The following CTNNA2 variants were observed in gnomAD, a reference collection of about 807,000 sequenced individuals.
CTNNA2 encodes catenin alpha-2.
In CTNNA2, 42 loss-of-function variants were observed where a neutral mutation model predicts 101.0. The ratio of observed to expected loss-of-function variants is 0.42; its 90% confidence interval spans 0.32 to 0.54. The LOEUF is 0.54. Among genes scored for constraint, CTNNA2 ranks in the 20% least tolerant of loss-of-function variants. CTNNA2 has a pLI of 0.14. For missense variants in CTNNA2, 871 were observed against 1,223.1 expected, an observed-to-expected ratio of 0.71 and a Z score of 4.29; for synonymous variants, 450 against 456.4, an observed-to-expected ratio of 0.99 and a Z score of 0.18.
At chr2:79,979,394 A>G (rs995505965) in intron 7 of CTNNA2, among the ~76,000 whole-genome samples, 2 of 152,024 alleles carry the variant, frequency 1.3e-5, no homozygotes, top group African/African-American at 4.8e-5. Flanking sequence ...AAAAAAGGAA[A>G]ACCCTGATAA....
intron 7 of CTNNA2, among the ~76,000 whole-genome samples, chr2:79,916,217 G>A (rs144694539): frequency 6.6e-6 from 1 of 152,232 alleles, no homozygotes; most frequent in East Asian, 1.9e-4. Context: ...GTGGGCAATC[G>A]AGATCGAATG....
At chr2:80,066,969 A>C (rs1327572496) in intron 7 of CTNNA2, among the ~76,000 whole-genome samples, 1 of 152,228 alleles carries the variant, frequency 6.6e-6, no homozygotes, top group African/African-American at 2.4e-5. Flanking sequence ...CAGTATGTTA[A>C]GTGAAATAAG....
intron 3 of CTNNA2, among the ~76,000 whole-genome samples, chr2:79,342,657 A>T (rs1463794644): frequency 6.6e-6 from 1 of 152,236 alleles, no homozygotes; most frequent in African/African-American, 2.4e-5. Context: ...ACTCATAATT[A>T]AACATGCTGC....
At chr2:79,557,701 GCTGATGTGA>G (rs1674531384) in intron 1 of CTNNA2, among the ~76,000 whole-genome samples, 1 of 151,884 alleles carries the variant, frequency 6.6e-6, no homozygotes, top group South Asian at 2.1e-4. Context: ...ATCCATATGA[GCTGATGTGA>G]CTCTAAAATC....
At chr2:80,020,428 G>C (rs1366410792) in intron 7 of CTNNA2, among the ~76,000 whole-genome samples, 2 of 152,150 alleles carry the variant, frequency 1.3e-5, no homozygotes, top group African/African-American at 4.8e-5. Flanking sequence ...CATTGGCATG[G>C]AGTGTTGAAG....
chr2:79,768,986 C>G (rs1052601658), intron 3 of CTNNA2, among the ~76,000 whole-genome samples: 1 of 152,142 alleles, frequency 6.6e-6, no homozygotes, highest in Non-Finnish European at 1.5e-5. Context: ...TCCTGAGTAG[C>G]TGGGACTATA....
chr2:79,410,643 A>G (rs901384388), intron 4 of CTNNA2, among the ~76,000 whole-genome samples: 8 of 151,800 alleles, frequency 5.3e-5, no homozygotes, highest in African/African-American at 1.7e-4. Context: ...CATCCCAGGG[A>G]TGAAGCCCAC....
Position 79,881,384 on chromosome 2 carries a change from G to T in CTNNA2, c.852+7042G>T, listed in dbSNP as rs181116430. 4.7e-3 allele frequency among the ~76,000 whole-genome samples: 718 copies of T among 152,244 alleles called. 2 individuals carry two copies. Among genetic ancestry groups the T allele is most frequent in the Middle Eastern group, 6.8e-3 (2 of 294 alleles). Reference sequence around the variant, plus strand: ...ATCTTTGTTAATTTTCTGTCTTGTTGATCTCTCTAATATTGACAGTGGGGT... The same window carrying T: ...ATCTTTGTTAATTTTCTGTCTTGTTTATCTCTCTAATATTGACAGTGGGGT... On this transcript the variant is annotated intron_variant, in intron 6 of 18. Coordinates refer to ENST00000402739, the MANE Select transcript of CTNNA2 (RefSeq NM_001282597.3).
At chr2:79,617,697 A>G (rs996077995) in intron 1 of CTNNA2, among the ~76,000 whole-genome samples, 38 of 152,314 alleles carry the variant, frequency 2.5e-4, no homozygotes, top group Admixed American at 1.1e-3. Context: ...TTTACAAATA[A>G]GAGAACCTGA....
chr2:80,233,815 CT>C (rs1709393045), intron 7 of CTNNA2, among the ~76,000 whole-genome samples: 2 of 152,156 alleles, frequency 1.3e-5, no homozygotes, highest in African/African-American at 4.8e-5. Flanking sequence ...CCCACCTAGA[CT>C]TTGGGTTAAT....
chr2:80,164,874 C>T (rs543571603), intron 7 of CTNNA2, among the ~76,000 whole-genome samples: 83 of 150,500 alleles, frequency 5.5e-4, no homozygotes, highest in African/African-American at 2.0e-3. Flanking sequence ...GTGCCACTTC[C>T]TTCTGGTCTC....
intron 2 of CTNNA2, among the ~76,000 whole-genome samples, chr2:79,255,359 C>A (rs1193022920): frequency 6.6e-6 from 1 of 152,066 alleles, no homozygotes; most frequent in Non-Finnish European, 1.5e-5. Flanking sequence ...GTTCAGATTC[C>A]AATTCAGAGC....
chr2:80,309,787 C>T (rs894948041), intron 7 of CTNNA2, among the ~76,000 whole-genome samples: 2 of 151,306 alleles, frequency 1.3e-5, no homozygotes, highest in Non-Finnish European at 2.9e-5. Flanking sequence ...CTCCTTCTCC[C>T]GGGTTCAAGT....
At chr2:79,476,097 C>T (rs1671047135) in intron 4 of CTNNA2, among the ~76,000 whole-genome samples, 1 of 152,068 alleles carries the variant, frequency 6.6e-6, no homozygotes, top group African/African-American at 2.4e-5. Context: ...GAAACTAAGT[C>T]CAAGATCACC....
intron 7 of CTNNA2, among the ~76,000 whole-genome samples, chr2:79,966,930 T>C (rs1421634843): frequency 1.3e-5 from 2 of 152,108 alleles, no homozygotes; most frequent in Non-Finnish European, 2.9e-5. Flanking sequence ...TCCTGGAGGT[T>C]CTTCTGCTCC....
At chr2:80,075,697 CTTGTATAAAT>C (rs1698683478) in intron 7 of CTNNA2, among the ~76,000 whole-genome samples, 1 of 77,706 alleles carries the variant, frequency 1.3e-5, no homozygotes, top group Non-Finnish European at 2.3e-5. Flanking sequence ...AATATTTATA[CTTGTATAAAT>C]ATTATAAAAA....
At chr2:79,916,703 C>T (rs1686246450) in intron 7 of CTNNA2, among the ~76,000 whole-genome samples, 1 of 151,486 alleles carries the variant, frequency 6.6e-6, no homozygotes, top group Non-Finnish European at 1.5e-5. Context: ...CTGCCTCAGC[C>T]TCGCTAGTAG....
intron 12 of CTNNA2, among the ~76,000 whole-genome samples, chr2:80,569,635 T>G (rs1350450846): frequency 2.7e-5 from 1 of 36,422 alleles, no homozygotes; most frequent in South Asian, 1.3e-3. Context: ...GTATTTAGGT[T>G]TTTTTTTTTT....
chr2:80,581,689 T>A lies in CTNNA2; in HGVS notation c.1894-17T>A, dbSNP rs201429683. 7.3e-5 allele frequency: 109 copies of A among 1,484,068 alleles called. No homozygotes were observed. The Admixed American group carries it at 1.8e-3, about 25-fold the overall frequency. 91.9% of individuals were successfully genotyped at this position (1,484,068 alleles called of 1,614,324 possible). A position where few individuals can be genotyped will look rare whatever the true frequency, so the allele number is the denominator to read the frequency against. On this transcript the variant is annotated splice_polypyrimidine_tract_variant and intron_variant, in intron 13 of 18. Coordinates refer to ENST00000402739, the MANE Select transcript of CTNNA2 (RefSeq NM_001282597.3). ...TTATCAATTTAAGTATGCTGACTTATATCTTTTTGTCTTTAGACCCCAGAA... is the reference window on the plus strand; with the variant it reads ...TTATCAATTTAAGTATGCTGACTTAAATCTTTTTGTCTTTAGACCCCAGAA...
Sources: gnomAD v4.1 joint callset for allele counts (sites outside exome capture counted in the v4.1 genomes callset) on GRCh38, gnomAD v4.1.1 for gene constraint, MANE v1.5 for transcripts, NCBI Gene and HGNC (gene_info 2026-07-23, HGNC 2026-07-21) for gene names.